PCSK2: variants seen among roughly 807,000 people sequenced by gnomAD.
PCSK2 encodes the protein proprotein convertase subtilisin/kexin type 2.
Under a neutral mutation model 69.7 loss-of-function variants are expected in PCSK2, and 14 were observed. The ratio of observed to expected loss-of-function variants is 0.20; its 90% CI spans 0.13 to 0.31. The LOEUF (loss-of-function observed/expected upper bound fraction) is 0.31, where lower values mean the gene tolerates loss of function less well. PCSK2 is among the 10% of genes least tolerant of loss of function. The probability of loss-of-function intolerance (pLI) is 1.00; values close to 1 mark genes in which losing one functional copy is unlikely to be tolerated. For missense variants in PCSK2, 544 were observed against 842.5 expected (o/e 0.65, Z 4.39); for synonymous variants, 307 against 320.7 (o/e 0.96, Z 0.46).
intron 2 of PCSK2, among the ~76,000 whole-genome samples, chr20:17,319,352 T>A (rs767737186): frequency 6.6e-6 from 1 of 152,056 alleles, no homozygotes; most frequent in Non-Finnish European, 1.5e-5. Context: ...TTGCCTGGGG[T>A]TCCTCACGCA....
At chr20:17,440,690 G>A (rs574012680) in intron 8 of PCSK2, among the ~76,000 whole-genome samples, 30 of 152,090 alleles carry the variant, frequency 2.0e-4, no homozygotes, top group Non-Finnish European at 3.8e-4. Flanking sequence ...GTGAAACCCC[G>A]TCTCTACTAA....
At chr20:17,383,180 T>G (rs2031137653) in intron 5 of PCSK2, among the ~76,000 whole-genome samples, 1 of 152,196 alleles carries the variant, frequency 6.6e-6, no homozygotes, top group Admixed American at 6.5e-5. Context: ...TTGGCTTTCC[T>G]CTTTTTCTTT....
At position 17,354,479 on chromosome 20, in the gene PCSK2, G is replaced by A. The variant is rs116915570; in HGVS notation, c.283-3848G>A. Reference sequence around the variant, plus strand: ...ATGTGAAAATATAGTTTAGACACTCGGAAATATTTCTCTGACATTAAGGGC... The same window carrying A: ...ATGTGAAAATATAGTTTAGACACTCAGAAATATTTCTCTGACATTAAGGGC... On this transcript the variant is annotated intron_variant, in intron 2 of 11. Transcript: ENST00000262545. 4.8e-3 allele frequency among the ~76,000 whole-genome samples: 736 copies of A among 152,160 alleles called. 3 individuals carry two copies. The highest frequency in any genetic ancestry group is 7.3e-3 in the Non-Finnish European group (495 of 68,000).
intron 5 of PCSK2, among the ~76,000 whole-genome samples, chr20:17,389,718 G>A (rs1226639017): frequency 2.0e-5 from 3 of 152,186 alleles, no homozygotes; most frequent in African/African-American, 4.8e-5. Context: ...GCTGCTGAAA[G>A]GTCCCTGTAG....
chr20:17,276,403 T>C (rs899427876), intron 2 of PCSK2, among the ~76,000 whole-genome samples: 1 of 151,858 alleles, frequency 6.6e-6, no homozygotes, highest in Non-Finnish European at 1.5e-5. Context: ...ATGTTGTCTA[T>C]GGGCTTTCTT....
At chr20:17,267,168 A>C (rs1987647961) in intron 2 of PCSK2, among the ~76,000 whole-genome samples, 1 of 152,138 alleles carries the variant, frequency 6.6e-6, no homozygotes. Context: ...AGAGGGGAAA[A>C]CATGAATCTG....
At chr20:17,386,859 C>A (rs1028937354) in intron 5 of PCSK2, among the ~76,000 whole-genome samples, 1 of 152,184 alleles carries the variant, frequency 6.6e-6, no homozygotes, top group African/African-American at 2.4e-5. Flanking sequence ...TTCCTCCCAA[C>A]ACTCCAATGG....
intron 5 of PCSK2, among the ~76,000 whole-genome samples, chr20:17,381,838 C>G (rs1054223521): frequency 6.6e-6 from 1 of 152,136 alleles, no homozygotes; most frequent in Admixed American, 6.5e-5. Context: ...TTCCAGAACA[C>G]TAGGTGGAAA....
chr20:17,374,502 T>C (rs2030866037), intron 5 of PCSK2, among the ~76,000 whole-genome samples: 1 of 152,124 alleles, frequency 6.6e-6, no homozygotes, highest in African/African-American at 2.4e-5. Context: ...AAAAGGCTGG[T>C]GGGTCTGTAG....
intron 8 of PCSK2, among the ~76,000 whole-genome samples, chr20:17,438,797 T>C (rs1204778230): frequency 6.6e-6 from 1 of 152,244 alleles, no homozygotes; most frequent in Non-Finnish European, 1.5e-5. Flanking sequence ...AGGAGCCTGT[T>C]TGCCTCCAAC....
In PCSK2 at chr20:17,409,179, T is replaced by A. The variant is rs6044793; in HGVS notation, c.544-84T>A. The A allele has an allele frequency of 4.0e-6, 4 of 1,004,756 alleles. No individual in the cohort carries two copies. The African/African-American group carries it at 6.3e-5, about 16-fold the overall frequency. The allele number at this position is 1,004,756 out of a possible 1,614,324, so 62.2% of individuals were successfully genotyped here. ...ACTAATCCAGCACTCCAGGGAGGAC[T>A]AGAAATGTTTAAAGTCTCCCAGCGC... On this transcript the variant is annotated intron_variant, in intron 5 of 11. Coordinates refer to ENST00000262545, the MANE Select transcript of PCSK2 (RefSeq NM_002594.5).
At chr20:17,247,733 T>C (rs1450610283) in intron 1 of PCSK2, among the ~76,000 whole-genome samples, 4 of 152,270 alleles carry the variant, frequency 2.6e-5, no homozygotes, top group African/African-American at 9.6e-5. Context: ...ACAGACCCTC[T>C]GGAGCATCTA....
At chr20:17,330,832 G>A (rs1488100992) in intron 2 of PCSK2, among the ~76,000 whole-genome samples, 1 of 152,148 alleles carries the variant, frequency 6.6e-6, no homozygotes, top group Non-Finnish European at 1.5e-5. Flanking sequence ...GTGGTTGTAA[G>A]ATGGTTACTG....
chr20:17,354,002 G>T (rs2030106039), intron 2 of PCSK2, among the ~76,000 whole-genome samples: 1 of 152,198 alleles, frequency 6.6e-6, no homozygotes, highest in Non-Finnish European at 1.5e-5. Flanking sequence ...TACTAGAAAA[G>T]AGGAAGAGCA....
chr20:17,321,517 C>T (rs1989866692), intron 2 of PCSK2, among the ~76,000 whole-genome samples: 1 of 152,158 alleles, frequency 6.6e-6, no homozygotes, highest in African/African-American at 2.4e-5. Flanking sequence ...AATAGCTTTC[C>T]ATTTTGGGGA....
intron 10 of PCSK2, among the ~76,000 whole-genome samples, chr20:17,460,734 G>A (rs572610413): frequency 2.6e-5 from 4 of 152,060 alleles, no homozygotes; most frequent in African/African-American, 7.2e-5. Context: ...GCTGAAAAAC[G>A]TTCATTTACA....
At chr20:17,265,854 A>G (rs1987578956) in intron 2 of PCSK2, among the ~76,000 whole-genome samples, 1 of 152,202 alleles carries the variant, frequency 6.6e-6, no homozygotes, top group South Asian at 2.1e-4. Context: ...TAATTTTACC[A>G]TTGAGGCAAA....
intron 2 of PCSK2, among the ~76,000 whole-genome samples, chr20:17,268,560 C>A (rs1265437364): frequency 1.3e-5 from 2 of 152,076 alleles, no homozygotes; most frequent in East Asian, 3.9e-4. Context: ...CCAAGACACA[C>A]CTGGTGTGTT....
rs982062730 is a variant in PCSK2 at position 17,324,947 on chromosome 20, G to A, written c.283-33380G>A. 9.2e-5 allele frequency among the ~76,000 whole-genome samples: 14 copies of A among 152,150 alleles called. No homozygotes were observed. In the South Asian group the frequency reaches 1.7e-3, roughly 18 times the overall value. On this transcript the variant is annotated intron_variant, in intron 2 of 11. Transcript: ENST00000262545. The stretch of plus-strand genomic sequence containing the variant: ...GCCCTACCAGGCTTTGTGCAGTGTC[G>A]CGAGGCCACCATGCTTCTCCTTGCC...
Sources: allele counts gnomAD v4.1 joint callset (sites outside exome capture counted in the v4.1 genomes callset), GRCh38; gene constraint gnomAD v4.1.1; transcripts MANE v1.5; gene names NCBI Gene and HGNC (gene_info 2026-07-23, HGNC 2026-07-21).